DBT: variants seen among roughly 807,000 people sequenced by gnomAD.
DBT encodes the protein lipoamide acyltransferase component of branched-chain alpha-keto acid dehydrogenase complex, mitochondrial.
A neutral mutation model predicts 51.3 loss-of-function variants in DBT; 40 were observed. The ratio of observed to expected loss-of-function variants is 0.78; its 90% CI spans 0.61 to 1.02. The LOEUF (loss-of-function observed/expected upper bound fraction) is 1.02, where lower values mean the gene tolerates loss of function less well. Among genes scored for constraint, DBT ranks in the 50% least tolerant of loss-of-function variants. DBT has a pLI of 0.00. For synonymous variants in DBT, 181 were observed against 190.4 expected, an observed-to-expected ratio of 0.95 and a Z score of 0.41; for missense variants, 510 against 580.2, an observed-to-expected ratio of 0.88 and a Z score of 1.24.
At chr1:100,210,800 A>T in intron 7 of DBT, 29 bp from the exon 8 acceptor site, 1 of 1,610,940 alleles carries the variant, frequency 6.2e-7, no homozygotes, top group Non-Finnish European at 8.5e-7. Context: ...ATGCAATTTT[A>T]GTACTTTTAA....
chr1:100,231,033 G>C, intron 3 of DBT, 119 bp from the exon 4 acceptor site: 2 of 698,380 alleles, frequency 2.9e-6, no homozygotes, highest in Non-Finnish European at 5.2e-6. Flanking sequence ...TTTACTTTCA[G>C]ATGGTGTACT....
In DBT at chr1:100,220,853, G is replaced by A. The variant is rs560047307; in HGVS notation, c.434-2106C>T. Among the ~76,000 whole-genome samples, 12 of 152,226 alleles carry A rather than the reference G, an allele frequency of 7.9e-5. No homozygotes were observed. The South Asian group carries it at 2.5e-3, about 32-fold the overall frequency. ...AAGTAGCTAGAATACAACTCCTATA[G>A]TTCAAGGCATAATTTTTGTTGAATT... On this transcript the variant is annotated intron_variant, in intron 4 of 10. Coordinates refer to ENST00000370132, the MANE Select transcript of DBT (RefSeq NM_001918.5).
At chr1:100,240,675 A>G (rs1321408096) in intron 2 of DBT, 86 bp downstream of exon 2, 3 of 1,149,756 alleles carry the variant, frequency 2.6e-6, no homozygotes, top group Non-Finnish European at 3.9e-6. Flanking sequence ...TTTTTTGTTT[A>G]AAAAGTCTCA....
At chr1:100,244,577 C>A (rs770138836) in intron 1 of DBT, among the ~76,000 whole-genome samples, 10 of 152,102 alleles carry the variant, frequency 6.6e-5, no homozygotes, top group Non-Finnish European at 1.3e-4. Context: ...GTGCAGTGGA[C>A]ACGTTCAAGA....
At chr1:100,242,726 A>C in intron 1 of DBT, among the ~76,000 whole-genome samples, 1 of 152,216 alleles carries the variant, frequency 6.6e-6, no homozygotes, top group East Asian at 1.9e-4. Context: ...AAATCAAAGG[A>C]GTGAATCAAC....
chr1:100,231,088 C>T (rs1663532585), intron 3 of DBT, among the ~76,000 whole-genome samples, 174 bp from the exon 4 acceptor site: 1 of 152,102 alleles, frequency 6.6e-6, no homozygotes, highest in South Asian at 2.1e-4. Context: ...AGAGTCTCTT[C>T]AATGTATCTG....
At chr1:100,241,894 G>A (rs187374988) in intron 1 of DBT, among the ~76,000 whole-genome samples, 23 of 152,100 alleles carry the variant, frequency 1.5e-4, no homozygotes, top group African/African-American at 4.6e-4. Context: ...GGTGGCATGC[G>A]CCTGTAGTCC....
At chr1:100,219,131 C>G (rs190039668) in intron 4 of DBT, among the ~76,000 whole-genome samples, 7 of 152,250 alleles carry the variant, frequency 4.6e-5, no homozygotes, top group Non-Finnish European at 8.8e-5. Flanking sequence ...GCAGAAGGAT[C>G]ACCTGAGCCC....
At chr1:100,246,383 C>T (rs1024070766) in intron 1 of DBT, among the ~76,000 whole-genome samples, 1 of 152,176 alleles carries the variant, frequency 6.6e-6, no homozygotes, top group Non-Finnish European at 1.5e-5. Flanking sequence ...CAATAGGCAG[C>T]TGTTGAGCAC....
In DBT at chr1:100,195,042, A is replaced by AT. The variant is rs1446967401; in HGVS notation, c.*1212dup. The AT allele has an allele frequency of 6.6e-6, 1 of 152,270 alleles. No individual in the cohort carries two copies. Among genetic ancestry groups the AT allele is most frequent in the African/African-American group, 2.4e-5 (1 of 41,434 alleles). 9.4% of individuals were successfully genotyped at this position (152,270 alleles called of 1,614,324 possible). On this transcript the variant is annotated 3_prime_UTR_variant, in exon 11 of 11. Coordinates refer to ENST00000370132, the MANE Select transcript of DBT (RefSeq NM_001918.5). ...CCTTCATTTCTATACAAAATTTCTT[A>AT]TTTTTTATATCCATAATTACTATTA...
At chr1:100,218,429 T>C (rs1204493299) in intron 5 of DBT, among the ~76,000 whole-genome samples, 197 bp downstream of exon 5, 13 of 152,242 alleles carry the variant, frequency 8.5e-5, no homozygotes, top group Admixed American at 4.6e-4. Flanking sequence ...TACTGCTCAA[T>C]TGATAGTAAG....
At chr1:100,212,402 G>A (rs1442902831) in intron 7 of DBT, among the ~76,000 whole-genome samples, 6 of 152,052 alleles carry the variant, frequency 3.9e-5, no homozygotes, top group Non-Finnish European at 5.9e-5. Context: ...GCCAGGTGTG[G>A]TGGTGCACAC....
chr1:100,247,220 A>G (rs1413878527), intron 1 of DBT, among the ~76,000 whole-genome samples: 2 of 152,240 alleles, frequency 1.3e-5, no homozygotes, highest in Non-Finnish European at 2.9e-5. Flanking sequence ...AAACAAGAAA[A>G]TGATATTATC....
intron 10 of DBT, among the ~76,000 whole-genome samples, chr1:100,200,845 A>C (rs1661393511): frequency 6.6e-6 from 1 of 152,230 alleles, no homozygotes; most frequent in South Asian, 2.1e-4. Context: ...ACTAACAAAC[A>C]GAAAGGAATA....
At position 100,194,280 on chromosome 1, in the gene DBT, G is replaced by A. The variant is rs1008317003; in HGVS notation, c.*1975C>T. The A allele has an allele frequency of 1.3e-5, 2 of 151,370 alleles. No homozygotes were observed. Among genetic ancestry groups the A allele is most frequent in the African/African-American group, 4.9e-5 (2 of 41,170 alleles). 9.4% of individuals were successfully genotyped at this position (151,370 alleles called of 1,614,324 possible). ...ACTCCTGGGCTCAATTGATCCTCTT[G>A]TCTCAGCTTCCTGAGTAGCTGGGAC... On this transcript the variant is annotated 3_prime_UTR_variant, in exon 11 of 11. Coordinates refer to ENST00000370132, the MANE Select transcript of DBT (RefSeq NM_001918.5).
chr1:100,200,218 G>C lies in DBT; in HGVS notation c.1282-3796C>G, dbSNP rs572231929. Among the ~76,000 whole-genome samples the C allele has an allele frequency of 8.5e-5, 13 of 152,238 alleles. No homozygotes were observed. In the East Asian group the frequency reaches 2.5e-3, roughly 29 times the overall value. ...CGACCTGGGATGCTGGAGGTTGGTGGGGGGAGGGGTGTCAGCCATTACTGA... is the reference window on the plus strand; with the variant it reads ...CGACCTGGGATGCTGGAGGTTGGTGCGGGGAGGGGTGTCAGCCATTACTGA... On this transcript the variant is annotated intron_variant, in intron 10 of 10. Transcript: ENST00000370132.
intron 7 of DBT, among the ~76,000 whole-genome samples, chr1:100,211,616 A>T (rs1662149345): frequency 6.6e-6 from 1 of 152,214 alleles, no homozygotes; most frequent in Non-Finnish European, 1.5e-5. Context: ...GATGGGAAAA[A>T]AATCAAATTC....
intron 4 of DBT, among the ~76,000 whole-genome samples, chr1:100,219,756 AC>A (rs1214278159): frequency 1.3e-5 from 2 of 152,066 alleles, no homozygotes; most frequent in Non-Finnish European, 2.9e-5. Flanking sequence ...CTCAAAAAAA[AC>A]CGCACAAGAA....
chr1:100,194,286 G>A lies in DBT; in HGVS notation c.*1969C>T, dbSNP rs1319610274. 2 of 151,480 alleles carry A rather than the reference G, an allele frequency of 1.3e-5. No homozygotes were observed. Among genetic ancestry groups the A allele is most frequent in the African/African-American group, 4.9e-5 (2 of 41,224 alleles). 9.4% of individuals were successfully genotyped at this position (151,480 alleles called of 1,614,324 possible). A position where few individuals can be genotyped will look rare whatever the true frequency, so the allele number is the denominator to read the frequency against. The stretch of plus-strand genomic sequence containing the variant: ...GGGCTCAATTGATCCTCTTGTCTCA[G>A]CTTCCTGAGTAGCTGGGACTATAGG... On this transcript the variant is annotated 3_prime_UTR_variant, in exon 11 of 11. Coordinates refer to ENST00000370132, the MANE Select transcript of DBT (RefSeq NM_001918.5).
Sources: allele counts gnomAD v4.1 joint callset (sites outside exome capture counted in the v4.1 genomes callset), GRCh38; gene constraint gnomAD v4.1.1; transcripts MANE v1.5; gene names NCBI Gene and HGNC (gene_info 2026-07-23, HGNC 2026-07-21).